Variants in SATB1 observed in about 807,000 individuals in gnomAD.
SATB1 encodes SATB homeobox 1.
SATB1 carries 11 observed loss-of-function variants against 86.9 expected under a neutral mutation model. The ratio of observed to expected loss-of-function variants is 0.13; its 90% confidence interval spans 0.08 to 0.21. The LOEUF (loss-of-function observed/expected upper bound fraction) is 0.21, where lower values mean the gene tolerates loss of function less well. SATB1 is among the 10% of genes least tolerant of loss of function. The pLI is 1.00. For missense variants in SATB1, 551 were observed against 937.6 expected, an observed-to-expected ratio of 0.59 and a Z score of 5.39; for synonymous variants, 357 against 357.2, an observed-to-expected ratio of 1.00 and a Z score of 0.01.
intron 9 of SATB1, among the ~76,000 whole-genome samples, chr3:18,362,048 T>A (rs1201619766): frequency 6.6e-6 from 1 of 152,124 alleles, no homozygotes; most frequent in Non-Finnish European, 1.5e-5. Flanking sequence ...AGCAAGTGGC[T>A]TTAACTAAAA....
At chr3:18,353,646 C>A (rs1694485495) in intron 9 of SATB1, among the ~76,000 whole-genome samples, 1 of 151,966 alleles carries the variant, frequency 6.6e-6, no homozygotes, top group Non-Finnish European at 1.5e-5. Context: ...CCTTCTCAAA[C>A]TGAAACGATT....
intron 6 of SATB1, among the ~76,000 whole-genome samples, chr3:18,396,770 A>G (rs1696982962): frequency 6.6e-6 from 1 of 152,182 alleles, no homozygotes; most frequent in East Asian, 1.9e-4. Context: ...TAATTTAAGA[A>G]GTTTAATTTC....
intron 5 of SATB1, among the ~76,000 whole-genome samples, chr3:18,403,678 C>CTATGA (rs1433640481): frequency 6.6e-6 from 1 of 152,050 alleles, no homozygotes; most frequent in Admixed American, 6.6e-5. Flanking sequence ...ACTTCTCAGT[C>CTATGA]TATGCATGGT....
chr3:18,367,731 T>TC (rs1559404796), intron 9 of SATB1, among the ~76,000 whole-genome samples: 2 of 152,204 alleles, frequency 1.3e-5, no homozygotes, highest in Non-Finnish European at 2.9e-5. Flanking sequence ...GCAACTTTTT[T>TC]CCCCTCTCTT....
chr3:18,352,406 G>C lies in SATB1; in HGVS notation c.1576-211C>G. On this transcript the variant is annotated intron_variant, in intron 9 of 10. Coordinates refer to ENST00000338745, the MANE Select transcript of SATB1 (RefSeq NM_002971.6). The surrounding 1 kb of genome is among the most constrained non-coding windows in gnomAD (Gnocchi z 4.1). ...CTGTTTCTAATCAAAGTTCAGATTTGCATCTCAAAGGAGGGACATATTTTT... is the reference window on the plus strand; with the variant it reads ...CTGTTTCTAATCAAAGTTCAGATTTCCATCTCAAAGGAGGGACATATTTTT... The C allele has an allele frequency of 1.9e-6, 1 of 527,938 alleles. No individual in the cohort carries two copies. The highest frequency in any genetic ancestry group is 3.4e-6 in the Non-Finnish European group (1 of 294,836). The allele number at this position is 527,938 out of a possible 1,614,324, so 32.7% of individuals were successfully genotyped here.
At chr3:18,357,013 A>G (rs1694677618) in intron 9 of SATB1, among the ~76,000 whole-genome samples, 1 of 151,858 alleles carries the variant, frequency 6.6e-6, no homozygotes, top group Non-Finnish European at 1.5e-5. Flanking sequence ...TACATTTTAA[A>G]ACTAAGAGCT....
In SATB1 at chr3:18,378,255, G is replaced by C. The variant is rs939393283; in HGVS notation, c.1490C>G (p.Ser497Cys). The change falls in exon 9 of 11, where the codon TCC becomes TGC. Residue 497 changes from serine to cysteine, a missense_variant. Ser to Cys is a moderately radical substitution (Grantham distance 112). Transcript: ENST00000338745. ...TTCCTGCTGAATCTCATCATAAATG[G>C]AAGCATTAATGTTCATGGTATTGTT... ...PENNTMNINASIYDEIQQEMK... is the reference protein window; with the variant it reads ...PENNTMNINACIYDEIQQEMK... 6.2e-7 allele frequency: 1 copy of C among 1,610,042 alleles called. No individual in the cohort carries two copies. Among genetic ancestry groups the C allele is most frequent in the Admixed American group, 1.7e-5 (1 of 59,418 alleles).
In SATB1 at chr3:18,348,991, G is replaced by C; in HGVS notation, c.*179C>G. The C allele has an allele frequency of 9.4e-7, 1 of 1,062,152 alleles. No homozygotes were observed. Among genetic ancestry groups the C allele is most frequent in the Non-Finnish European group, 1.3e-6 (1 of 761,480 alleles). The allele number at this position is 1,062,152 out of a possible 1,614,324, so 65.8% of individuals were successfully genotyped here. A position where few individuals can be genotyped will look rare whatever the true frequency, so the allele number is the denominator to read the frequency against. ...GGGCTGCCAAGCAGTTTGTAAAACA[G>C]AGGAAAACATTTAGTGCAGTCTGTA... On this transcript the variant is annotated 3_prime_UTR_variant, in exon 11 of 11. Coordinates refer to ENST00000338745, the MANE Select transcript of SATB1 (RefSeq NM_002971.6).
intron 7 of SATB1, among the ~76,000 whole-genome samples, chr3:18,388,455 TG>T (rs1367056464): frequency 6.6e-6 from 1 of 152,170 alleles, no homozygotes; most frequent in Non-Finnish European, 1.5e-5. Context: ...TATGGATACA[TG>T]AAAACATCAG....
intron 2 of SATB1, among the ~76,000 whole-genome samples, chr3:18,435,940 C>A (rs1699044627): frequency 6.6e-6 from 1 of 152,156 alleles, no homozygotes; most frequent in Non-Finnish European, 1.5e-5. Context: ...GAAATTCTGT[C>A]TTTTGTGTAA....
intron 2 of SATB1, among the ~76,000 whole-genome samples, chr3:18,419,228 G>T (rs73040338): frequency 1.3e-5 from 2 of 152,116 alleles, no homozygotes; most frequent in African/African-American, 4.8e-5. Context: ...TCCCGTTTCT[G>T]GGAGTAATGC....
At chr3:18,426,563 A>C (rs1184680827), upstream of SATB1, among the ~76,000 whole-genome samples, 2 of 152,242 alleles carry the variant, frequency 1.3e-5, no homozygotes, top group Non-Finnish European at 2.9e-5. The surrounding 1 kb of genome is among the most constrained non-coding windows in gnomAD (Gnocchi z 4.2). Context: ...AATATAGTTC[A>C]TGTAAAAATA....
chr3:18,379,172 C>G (rs758489685), intron 8 of SATB1, among the ~76,000 whole-genome samples: 1 of 152,122 alleles, frequency 6.6e-6, no homozygotes, highest in East Asian at 1.9e-4. Context: ...AAGCAGATAT[C>G]GGCAGTAAAA....
Position 18,394,970 on chromosome 3 carries a change from A to G in SATB1, c.752-54T>C. The stretch of plus-strand genomic sequence containing the variant: ...TCAGCCAACAATGATTGGCATTGAT[A>G]AAGATTTCTAACCATTTCCTAAATT... On this transcript the variant is annotated intron_variant, in intron 6 of 10. Coordinates refer to ENST00000338745, the MANE Select transcript of SATB1 (RefSeq NM_002971.6). The surrounding 1 kb of genome is among the most constrained non-coding windows in gnomAD (Gnocchi z 5.9). 1.5e-6 allele frequency: 2 copies of G among 1,333,726 alleles called. No individual in the cohort carries two copies. The highest frequency in any genetic ancestry group is 2.0e-6 in the Non-Finnish European group (2 of 985,324). 82.6% of individuals were successfully genotyped at this position (1,333,726 alleles called of 1,614,324 possible).
chr3:18,408,411 T>G (rs1697658656), intron 5 of SATB1, among the ~76,000 whole-genome samples: 1 of 151,992 alleles, frequency 6.6e-6, no homozygotes. Flanking sequence ...GAGTTAAAAT[T>G]AAAACTGAAG....
intron 5 of SATB1, among the ~76,000 whole-genome samples, chr3:18,398,896 CAGA>C (rs1248824526): frequency 6.6e-6 from 1 of 152,124 alleles, no homozygotes; most frequent in East Asian, 1.9e-4. Flanking sequence ...AAACCAGAGC[CAGA>C]AGATTACCTG....
upstream of SATB1, among the ~76,000 whole-genome samples, chr3:18,427,320 C>A (rs1698741866): frequency 6.6e-6 from 1 of 152,114 alleles, no homozygotes; most frequent in African/African-American, 2.4e-5. Context: ...AGGGACTGTG[C>A]ACTCTAGTGC....
chr3:18,354,499 A>G (rs1226061631), intron 9 of SATB1, among the ~76,000 whole-genome samples: 1 of 152,186 alleles, frequency 6.6e-6, no homozygotes, highest in Non-Finnish European at 1.5e-5. Context: ...AAACTCAGCT[A>G]GCATTCTACT....
chr3:18,423,174 G>T (rs1698479228), intron 1 of SATB1, among the ~76,000 whole-genome samples: 3 of 152,180 alleles, frequency 2.0e-5, no homozygotes, highest in Non-Finnish European at 4.4e-5. Context: ...CAGATGCCAG[G>T]CTGAAGAGTT....
Sources: allele counts gnomAD v4.1 joint callset (sites outside exome capture counted in the v4.1 genomes callset), GRCh38; gene constraint gnomAD v4.1.1; non-coding constraint Gnocchi (gnomAD v3.1); transcripts MANE v1.5; gene names NCBI Gene and HGNC (gene_info 2026-07-23, HGNC 2026-07-21).